Variants in PLCH2 observed in about 807,000 individuals in gnomAD.
The protein encoded by PLCH2 is 1-phosphatidylinositol 4,5-bisphosphate phosphodiesterase eta-2.
In PLCH2, 98 loss-of-function variants were observed where a neutral mutation model predicts 134.7. The observed-to-expected ratio is 0.73, with a 90% CI of 0.62 to 0.86. The LOEUF is 0.86. PLCH2 is among the 40% of genes least tolerant of loss of function. The pLI is 0.00. For synonymous variants in PLCH2, 974 were observed against 827.5 expected, an observed-to-expected ratio of 1.18 and a Z score of -3.04; for missense variants, 1,994 against 1,986.6, an observed-to-expected ratio of 1.00 and a Z score of -0.07.
chr1:2,475,307 T>A (rs1262501153), upstream of PLCH2, among the ~76,000 whole-genome samples: 1 of 151,798 alleles, frequency 6.6e-6, no homozygotes, highest in East Asian at 1.9e-4. Context: ...AACCTTCCAG[T>A]CCTTGTTGCT....
chr1:2,426,007 T>C (rs1391681884), exon 1 of PLCH2: 1 of 152,226 alleles, frequency 6.6e-6, no homozygotes, highest in Non-Finnish European at 1.5e-5. Flanking sequence ...CTTTCTGTTC[T>C]CCCTGGCTCC....
intron 1 of PLCH2, among the ~76,000 whole-genome samples, 164 bp downstream of exon 1, chr1:2,476,876 C>G (rs907587643): frequency 6.6e-6 from 1 of 152,158 alleles, no homozygotes; most frequent in Admixed American, 6.5e-5. Flanking sequence ...GGTCCAGCAG[C>G]GTCGGCTGGC....
Position 2,483,813 on chromosome 1 carries a change from GT to G in PLCH2, c.646-634del, listed in dbSNP as rs770285318. 6.0e-3 allele frequency among the ~76,000 whole-genome samples: 158 copies of G among 26,456 alleles called. 4 individuals are homozygous for G. Among genetic ancestry groups the G allele is most frequent in the African/African-American group, 0.015 (91 of 6,050 alleles). 17.4% of individuals were successfully genotyped at this position (26,456 alleles called of 152,430 possible). On this transcript the variant is annotated intron_variant, in intron 4 of 21. Transcript: ENST00000378486. ...GGGGGGCGCTGACCCCCGTGTGGGG[GT>G]GGCGCTGACCCCCGTGTGGGGGTGG...
chr1:2,499,268 G>A (rs776267492), intron 19 of PLCH2, 38 bp downstream of exon 19: 13 of 1,608,136 alleles, frequency 8.1e-6, no homozygotes, highest in Admixed American at 6.7e-5. Context: ...CACACTGGCC[G>A]AGGGCCCCAG....
At chr1:2,481,439 C>G (rs568566319) in intron 4 of PLCH2, among the ~76,000 whole-genome samples, 86 of 152,372 alleles carry the variant, frequency 5.6e-4, no homozygotes, top group African/African-American at 2.0e-3. Context: ...GGCTCAGGGG[C>G]AGCTCTGGGG....
upstream of PLCH2, among the ~76,000 whole-genome samples, chr1:2,475,151 T>A (rs529332314): frequency 6.6e-6 from 1 of 152,150 alleles, no homozygotes; most frequent in East Asian, 1.9e-4. Flanking sequence ...TGGAGACGCA[T>A]GGCCATCTCC....
the PLCH2 span, among the ~76,000 whole-genome samples, chr1:2,420,392 G>C: frequency 6.6e-6 from 1 of 152,182 alleles, no homozygotes; most frequent in African/African-American, 2.4e-5. Context: ...GGCCTGTGGG[G>C]CCCAGTGATG....
chr1:2,495,770 G>A (rs966808673), intron 13 of PLCH2, among the ~76,000 whole-genome samples, 200 bp downstream of exon 13: 16 of 152,146 alleles, frequency 1.1e-4, no homozygotes, highest in Non-Finnish European at 2.1e-4. Flanking sequence ...GGGCAGGGGC[G>A]GCTGAGCAGG....
intron 2 of PLCH2, among the ~76,000 whole-genome samples, chr1:2,431,158 G>T (rs1639051336): frequency 6.6e-6 from 1 of 152,080 alleles, no homozygotes; most frequent in African/African-American, 2.4e-5. Context: ...GTGTGTGTGT[G>T]TGTGCACACC....
chr1:2,434,935 G>T (rs1225712802), intron 2 of PLCH2, among the ~76,000 whole-genome samples: 2 of 152,216 alleles, frequency 1.3e-5, no homozygotes, highest in Non-Finnish European at 2.9e-5. Context: ...GGGAAGGCAG[G>T]CCCCTAGAAG....
rs77150946 is a variant in PLCH2 at position 2,498,283 on chromosome 1, G to A, written c.2225-240G>A. 0.019 allele frequency: 8,192 copies of A among 439,264 alleles called. 263 individuals carry two copies. Among genetic ancestry groups the A allele is most frequent in the African/African-American group, 0.089 (4,373 of 49,016 alleles). 27.2% of individuals were successfully genotyped at this position (439,264 alleles called of 1,614,324 possible). On this transcript the variant is annotated intron_variant, in intron 16 of 21. Transcript: ENST00000378486. The surrounding 1 kb of genome is among the most constrained non-coding windows in gnomAD (Gnocchi z 5.4). The stretch of plus-strand genomic sequence containing the variant: ...CCCCCAGAAGCCATGTGACCTCCTC[G>A]GCTCAGCTGTGGGAGGCATGGGCTC...
upstream of PLCH2, among the ~76,000 whole-genome samples, chr1:2,463,343 G>A (rs1640911784): frequency 6.6e-6 from 1 of 152,362 alleles, no homozygotes; most frequent in African/African-American, 2.4e-5. Flanking sequence ...ACATTCCAAG[G>A]TGGTGGAGGA....
Position 2,457,797 on chromosome 1 carries a change from C to T in PLCH2, c.116-20679C>T, listed in dbSNP as rs1640567968. 3.3e-5 allele frequency among the ~76,000 whole-genome samples: 5 copies of T among 151,032 alleles called. No individual in the cohort carries two copies. In the South Asian group the frequency reaches 1.0e-3, roughly 32 times the overall value. ...TGAACCATCCCGGTCCCAGGAGGCG[C>T]GTGCTGGGAGCGGCTCCCAGCCCTT... On this transcript the variant is annotated intron_variant, in intron 2 of 3. Coordinates refer to the PLCH2 transcript ENST00000609981.
In PLCH2 at chr1:2,432,432, G is replaced by A. The variant is rs553290651; in HGVS notation, c.115+1803G>A. On this transcript the variant is annotated intron_variant, in intron 2 of 3. Coordinates refer to the PLCH2 transcript ENST00000609981. ...CCCCTCATGGCTGACAGCACACCCC[G>A]TCCCCTGTGCAATTTGCCTTACCCC... Among the ~76,000 whole-genome samples, 580 of 152,332 alleles carry A rather than the reference G, an allele frequency of 3.8e-3. 3 individuals carry two copies. The highest frequency in any genetic ancestry group is 6.9e-3 in the Non-Finnish European group (472 of 68,010).
intron 12 of PLCH2, 86 bp from the exon 13 acceptor site, chr1:2,495,402 G>A: frequency 1.7e-6 from 2 of 1,166,252 alleles, no homozygotes; most frequent in Non-Finnish European, 2.5e-6. Flanking sequence ...GACCCCGGAG[G>A]ATAGGCCCTC....
chr1:2,428,926 G>A (rs980461465), intron 1 of PLCH2, among the ~76,000 whole-genome samples: 3 of 152,250 alleles, frequency 2.0e-5, no homozygotes, highest in Non-Finnish European at 4.4e-5. Context: ...GGTCGAGAGC[G>A]AGCTGGGAGT....
chr1:2,500,830 CCTCA>C (rs1643183365), intron 20 of PLCH2: 1 of 112,532 alleles, frequency 8.9e-6, no homozygotes, highest in Admixed American at 8.4e-5. Flanking sequence ...CCCTCCCCTC[CCTCA>C]GTCCTCCCTC....
intron 2 of PLCH2, among the ~76,000 whole-genome samples, chr1:2,455,954 G>A (rs1351377475): frequency 6.6e-6 from 1 of 152,278 alleles, no homozygotes; most frequent in Non-Finnish European, 1.5e-5. Flanking sequence ...TTTTAAAGCG[G>A]CTTTGCAGCT....
At chr1:2,502,579 G>A (rs1027208092) in intron 21 of PLCH2, 170 bp downstream of exon 21, 13 of 765,144 alleles carry the variant, frequency 1.7e-5, no homozygotes, top group Admixed American at 1.3e-4. Flanking sequence ...CACCCAGCCC[G>A]GGGCCTGCAA....
Sources: allele counts gnomAD v4.1 joint callset (sites outside exome capture counted in the v4.1 genomes callset), GRCh38; gene constraint gnomAD v4.1.1; non-coding constraint Gnocchi (gnomAD v3.1); transcripts MANE v1.5; gene names NCBI Gene and HGNC (gene_info 2026-07-23, HGNC 2026-07-21).